RIPOR2: variants seen among roughly 807,000 people sequenced by gnomAD.
The protein encoded by RIPOR2 is RHO family interacting cell polarization regulator 2.
A neutral mutation model predicts 114.5 loss-of-function variants in RIPOR2; 39 were observed. That is an observed-to-expected ratio of 0.34 (90% CI 0.26 to 0.44). The LOEUF (loss-of-function observed/expected upper bound fraction) is 0.44, where lower values mean the gene tolerates loss of function less well. Among genes scored for constraint, RIPOR2 ranks in the 20% least tolerant of loss-of-function variants. The pLI is 1.00. For missense variants in RIPOR2, 1,007 were observed against 1,255.1 expected (o/e 0.80, Z 2.99); for synonymous variants, 445 against 484.4 (o/e 0.92, Z 1.07).
intron 1 of RIPOR2, among the ~76,000 whole-genome samples, chr6:24,925,716 T>A (rs1176509375): frequency 2.0e-5 from 3 of 150,750 alleles, no homozygotes; most frequent in South Asian, 2.1e-4. Flanking sequence ...AAAAAAAAAA[T>A]TTGGTTCATC....
At chr6:24,925,827 G>A (rs1158304748) in intron 1 of RIPOR2, among the ~76,000 whole-genome samples, 5 of 152,046 alleles carry the variant, frequency 3.3e-5, no homozygotes, top group South Asian at 4.1e-4. Context: ...ATAAATATTT[G>A]TTAATGAGCT....
At position 24,850,704 on chromosome 6, in the gene RIPOR2, G is replaced by A. The variant is rs1029815965; in HGVS notation, c.778C>T (p.Arg260Trp). ...TTGCCTTTCAGTTTCCACCGCTGCCGGCCATACTTCATGAAAATCTGGAGA... is the reference window on the plus strand; with the variant it reads ...TTGCCTTTCAGTTTCCACCGCTGCCAGCCATACTTCATGAAAATCTGGAGA... ...DQYEIFMKYG[R>W]QRWKLKGKIE... Residue 260 changes from arginine to tryptophan, a missense_variant, in exon 10 of 22, where the codon CGG (arginine) becomes TGG (tryptophan). Coordinates refer to ENST00000643898, the MANE Select transcript of RIPOR2 (RefSeq NM_001286445.3). The A allele has an allele frequency of 5.6e-6, 9 of 1,613,572 alleles. No individual in the cohort carries two copies. In the African/African-American group the frequency reaches 6.7e-5, roughly 12 times the overall value.
intron 1 of RIPOR2, among the ~76,000 whole-genome samples, chr6:24,949,354 G>A (rs527848236): frequency 7.4e-4 from 112 of 152,314 alleles, no homozygotes; most frequent in Middle Eastern, 3.4e-3. Flanking sequence ...CGAGGTTGAA[G>A]CCTTTAAAAG....
intron 1 of RIPOR2, among the ~76,000 whole-genome samples, chr6:24,909,455 G>C (rs1468203632): frequency 1.3e-5 from 2 of 152,082 alleles, no homozygotes; most frequent in African/African-American, 4.8e-5. Flanking sequence ...AAAATGGCTG[G>C]AGGAGCAAGG....
At chr6:24,886,856 C>G (rs1766882160) in intron 1 of RIPOR2, among the ~76,000 whole-genome samples, 2 of 152,186 alleles carry the variant, frequency 1.3e-5, no homozygotes, top group Admixed American at 1.3e-4. Context: ...TATCTTGCTT[C>G]TTTAACCCAG....
chr6:24,824,850 G>A (rs1197500315), intron 19 of RIPOR2, among the ~76,000 whole-genome samples: 2 of 151,978 alleles, frequency 1.3e-5, no homozygotes, highest in Non-Finnish European at 2.9e-5. Flanking sequence ...ATTCATACAT[G>A]GACATGCCAT....
At chr6:24,916,152 A>G (rs549073894) in intron 1 of RIPOR2, among the ~76,000 whole-genome samples, 2 of 152,158 alleles carry the variant, frequency 1.3e-5, no homozygotes, top group Non-Finnish European at 1.5e-5. Context: ...CTTTTTCCTC[A>G]GGCCATTCCT....
chr6:25,023,149 G>A (rs1212945982), intron 1 of RIPOR2: 5 of 556,042 alleles, frequency 9.0e-6, no homozygotes, highest in African/African-American at 3.8e-5. Flanking sequence ...CTGCCAGCCG[G>A]GAAGAACAAG....
At chr6:24,973,478 C>T (rs954321635) in intron 1 of RIPOR2, among the ~76,000 whole-genome samples, 6 of 151,246 alleles carry the variant, frequency 4.0e-5, no homozygotes, top group South Asian at 4.2e-4. Flanking sequence ...TGGTGGCGTG[C>T]GTCTGCTACT....
chr6:24,993,347 T>G (rs1294469730), intron 1 of RIPOR2, among the ~76,000 whole-genome samples: 1 of 152,238 alleles, frequency 6.6e-6, no homozygotes, highest in East Asian at 1.9e-4. Flanking sequence ...CTTCTTTGTC[T>G]TTTTCTCCCC....
At chr6:24,963,198 A>AT (rs564088549) in intron 1 of RIPOR2, among the ~76,000 whole-genome samples, 137 of 152,104 alleles carry the variant, frequency 9.0e-4, no homozygotes, top group African/African-American at 3.1e-3. Flanking sequence ...CACCCAGCTA[A>AT]TTTTTTGTAA....
At chr6:24,889,445 A>G (rs189111372) in intron 1 of RIPOR2, among the ~76,000 whole-genome samples, 1 of 152,250 alleles carries the variant, frequency 6.6e-6, no homozygotes, top group Admixed American at 6.5e-5. Context: ...TTAGTTGCTT[A>G]TTGTTAGCTA....
At chr6:24,844,964 C>A (rs989852195) in intron 12 of RIPOR2, among the ~76,000 whole-genome samples, 2 of 152,016 alleles carry the variant, frequency 1.3e-5, no homozygotes, top group Non-Finnish European at 2.9e-5. Flanking sequence ...AAAGGCTCCC[C>A]TTCCTCCTCC....
chr6:24,991,037 T>C (rs1561830558), intron 1 of RIPOR2, among the ~76,000 whole-genome samples: 2 of 152,220 alleles, frequency 1.3e-5, no homozygotes, highest in Admixed American at 6.5e-5. Flanking sequence ...ATAAAACCCA[T>C]GGCTGTTCAA....
At chr6:24,971,586 A>G (rs558689486) in intron 1 of RIPOR2, among the ~76,000 whole-genome samples, 3 of 152,376 alleles carry the variant, frequency 2.0e-5, no homozygotes, top group African/African-American at 7.2e-5. Flanking sequence ...TAGAAAGCCC[A>G]GGATACAAAA....
In RIPOR2 at chr6:24,842,853, GGT is replaced by G; in HGVS notation, c.1857+7_1857+8del. On this transcript the variant is annotated splice_region_variant and intron_variant, in intron 13 of 21. Transcript: ENST00000643898. ...AAACCTAATCCAATTTCTCTGAAAA[GGT>G]ACTTACTTTTAGAATATCATCCAAA... 7.1e-7 allele frequency: 1 copy of G among 1,412,622 alleles called. No homozygotes were observed. The highest frequency in any genetic ancestry group is 1.9e-5 in the South Asian group (1 of 54,016). The allele number at this position is 1,412,622 out of a possible 1,614,324, so 87.5% of individuals were successfully genotyped here.
chr6:24,850,801 A>G (rs1201540780), intron 9 of RIPOR2, 79 bp from the exon 10 acceptor site: 37 of 1,534,476 alleles, frequency 2.4e-5, no homozygotes, highest in Non-Finnish European at 2.7e-5. Context: ...AAAAGGAGAA[A>G]GACCTAAAGC....
chr6:25,027,238 G>T (rs1776672918), intron 1 of RIPOR2, among the ~76,000 whole-genome samples: 1 of 152,178 alleles, frequency 6.6e-6, no homozygotes, highest in Non-Finnish European at 1.5e-5. Context: ...CGTAGGGGTG[G>T]ATTCGATTCA....
chr6:24,916,397 T>C (rs1770082045), intron 1 of RIPOR2, among the ~76,000 whole-genome samples: 1 of 152,208 alleles, frequency 6.6e-6, no homozygotes, highest in South Asian at 2.1e-4. Flanking sequence ...CTTCTCCTCA[T>C]TGGTTTATAA....
Sources: gnomAD v4.1 joint callset for allele counts (sites outside exome capture counted in the v4.1 genomes callset) on GRCh38, gnomAD v4.1.1 for gene constraint, MANE v1.5 for transcripts, NCBI Gene and HGNC (gene_info 2026-07-23, HGNC 2026-07-21) for gene names.